Variants in MGRN1 observed in about 807,000 individuals in gnomAD.
The protein encoded by MGRN1 is mahogunin ring finger 1.
A neutral mutation model predicts 69.2 loss-of-function variants in MGRN1; 29 were observed. The ratio of observed to expected loss-of-function variants is 0.42; its 90% CI spans 0.31 to 0.57. MGRN1 has a LOEUF of 0.57. Among genes scored for constraint, MGRN1 ranks in the 20% least tolerant of loss-of-function variants. The probability of loss-of-function intolerance (pLI) is 0.15; values close to 1 mark genes in which losing one functional copy is unlikely to be tolerated. For missense variants in MGRN1, 998 were observed against 796.2 expected (o/e 1.25, Z -3.05); for synonymous variants, 470 against 344.2 (o/e 1.37, Z -4.04).
intron 1 of MGRN1, among the ~76,000 whole-genome samples, chr16:4,637,714 G>A (rs887148176): frequency 3.9e-5 from 6 of 152,188 alleles, no homozygotes; most frequent in Non-Finnish European, 8.8e-5. Context: ...CAGCTGCTCC[G>A]GCGTGTGTGA....
chr16:4,683,167 C>T (rs563293629), intron 14 of MGRN1, 57 bp from the exon 15 acceptor site: 16 of 1,602,186 alleles, frequency 1.0e-5, no homozygotes, highest in East Asian at 2.2e-5. Context: ...GCGGCTTGTC[C>T]TGGAGCGGTG....
intron 1 of MGRN1, among the ~76,000 whole-genome samples, chr16:4,642,439 A>G (rs2078179715): frequency 6.6e-6 from 1 of 151,340 alleles, no homozygotes. Flanking sequence ...CTGGGATTAC[A>G]GGCATGCACC....
Position 4,683,264 on chromosome 16 carries a change from A to C in MGRN1, c.1523A>C (p.Gln508Pro), listed in dbSNP as rs1428846220. Residue 508 changes from glutamine (Q) to proline (P), a missense_variant, in exon 15 of 17, where the codon CAG becomes CCG. By Grantham distance (76) the Gln-to-Pro change is moderately conservative. Transcript: ENST00000262370. Reference protein sequence around the residue: ...TEEVDESSSPQQGTRAASIEN... With the variant: ...TEEVDESSSPPQGTRAASIEN... ...GAGGTTGATGAGTCGTCGTCACCAC[A>C]GCAAGGTGAGCGCCTCCTTCCATGG... The C allele has an allele frequency of 6.2e-7, 1 of 1,613,696 alleles. No homozygotes were observed. The highest frequency in any genetic ancestry group is 8.5e-7 in the Non-Finnish European group (1 of 1,179,982).
At position 4,629,150 on chromosome 16, in the gene MGRN1, A is replaced by ATATTTGTGTGTG. The variant is rs1555445266; in HGVS notation, c.88+4103_88+4104insATTTGTGTGTGT. On this transcript the variant is annotated intron_variant, in intron 1 of 16. Coordinates refer to ENST00000262370, the MANE Select transcript of MGRN1 (RefSeq NM_015246.4). ...TGCACCTGGCCTGCTTTCTGTTCGT[A>ATATTTGTGTGTG]TGTGTGTGTGTGTGTGTGTGTGTGT... Among the ~76,000 whole-genome samples, 732 of 127,678 alleles carry ATATTTGTGTGTG rather than the reference A, an allele frequency of 5.7e-3. 7 individuals carry two copies. Among genetic ancestry groups the ATATTTGTGTGTG allele is most frequent in the African/African-American group, 0.022 (704 of 32,734 alleles). The allele number at this position is 127,678 out of a possible 152,430, so 83.8% of individuals were successfully genotyped here. A position where few individuals can be genotyped will look rare whatever the true frequency, so the allele number is the denominator to read the frequency against.
intron 5 of MGRN1, among the ~76,000 whole-genome samples, chr16:4,660,960 C>T (rs955828350): frequency 4.6e-5 from 7 of 152,286 alleles, no homozygotes; most frequent in African/African-American, 1.7e-4. Flanking sequence ...TGAACATGTG[C>T]CCCACGTCCC....
chr16:4,688,822 C>A lies in MGRN1; in HGVS notation c.1645C>A (p.His549Asn). 1 of 1,553,068 alleles carries A rather than the reference C, an allele frequency of 6.4e-7. No individual in the cohort carries two copies. Among genetic ancestry groups the A allele is most frequent in the South Asian group, 1.2e-5 (1 of 84,526 alleles). ...PGRPTSMETA[H>N]GLATTSPTWP... ...ACGGCCCACCTCCATGGAGACGGCC[C>A]ACGGCCTCGCCACCACCAGCCCCAC... The change falls in exon 17 of 17, where the codon CAC becomes AAC. Residue 549 changes from histidine (H) to asparagine (N), a missense_variant. Physicochemically the swap from His to Asn is moderately conservative, Grantham distance 68. Transcript: ENST00000262370.
chr16:4,654,418 T>C (rs2078483695), intron 4 of MGRN1, among the ~76,000 whole-genome samples: 1 of 152,270 alleles, frequency 6.6e-6, no homozygotes, highest in Non-Finnish European at 1.5e-5. Context: ...AGGGTCCTTC[T>C]GGCCCTGAAA....
chr16:4,686,112 T>C, intron 16 of MGRN1: 1 of 974,444 alleles, frequency 1.0e-6, no homozygotes, highest in East Asian at 2.7e-5. Context: ...GCTGTGGTTC[T>C]CCTTGTGGTT....
chr16:4,682,845 C>G lies in MGRN1; in HGVS notation c.1381C>G (p.Pro461Ala), dbSNP rs774977834. ...CAGCACCCTACGGTCCCCGTCTTCC[C>G]CCATCCACGAAGAGGATGAGGAGAA... Reference protein sequence around the residue: ...PDSTLRSPSSPIHEEDEEKLS... With the variant: ...PDSTLRSPSSAIHEEDEEKLS... The change falls in exon 14 of 17, where the codon CCC (proline) becomes GCC (alanine). Residue 461 changes from proline (P) to alanine (A), a missense_variant. Coordinates refer to ENST00000262370, the MANE Select transcript of MGRN1 (RefSeq NM_015246.4). 2 of 1,601,188 alleles carry G rather than the reference C, an allele frequency of 1.2e-6. No homozygotes were observed. Among genetic ancestry groups the G allele is most frequent in the East Asian group, 2.3e-5 (1 of 44,440 alleles).
Position 4,689,085 on chromosome 16 carries a change from C to T in MGRN1, c.*177C>T. 2.5e-6 allele frequency: 2 copies of T among 802,966 alleles called. No individual in the cohort carries two copies. Among genetic ancestry groups the T allele is most frequent in the Non-Finnish European group, 3.7e-6 (2 of 542,440 alleles). 49.7% of individuals were successfully genotyped at this position (802,966 alleles called of 1,614,324 possible). On this transcript the variant is annotated 3_prime_UTR_variant, in exon 17 of 17. Coordinates refer to ENST00000262370, the MANE Select transcript of MGRN1 (RefSeq NM_015246.4). ...CAGTGAACTGTCCCTTCTGAGTCTCCCTTTTCTACAGTTGATATATTTGTA... is the reference window on the plus strand; with the variant it reads ...CAGTGAACTGTCCCTTCTGAGTCTCTCTTTTCTACAGTTGATATATTTGTA...
intron 15 of MGRN1, among the ~76,000 whole-genome samples, chr16:4,683,505 G>A (rs1221843832): frequency 6.6e-6 from 1 of 151,928 alleles, no homozygotes; most frequent in Non-Finnish European, 1.5e-5. Flanking sequence ...GGGAACACCT[G>A]CCAGCATTCA....
chr16:4,639,364 CCCAGG>C (rs2078107415), intron 1 of MGRN1, among the ~76,000 whole-genome samples: 1 of 152,126 alleles, frequency 6.6e-6, no homozygotes, highest in African/African-American at 2.4e-5. Flanking sequence ...GAGGGAATAG[CCCAGG>C]CCGGGAAGGT....
intron 2 of MGRN1, 99 bp from the exon 3 acceptor site, chr16:4,651,864 G>A (rs932147039): frequency 9.3e-6 from 10 of 1,071,630 alleles, no homozygotes; most frequent in African/African-American, 1.6e-5. Context: ...CTAGATCCCA[G>A]GGATACCCTC....
At chr16:4,661,444 C>T (rs1314182315) in intron 5 of MGRN1, among the ~76,000 whole-genome samples, 1 of 152,250 alleles carries the variant, frequency 6.6e-6, no homozygotes, top group African/African-American at 2.4e-5. Flanking sequence ...CTTCAGGGTG[C>T]TGGTGTTGAC....
rs1023983249 is a variant in MGRN1, at chr16:4,657,872, G to A, written c.561+509G>A. 5.3e-5 allele frequency among the ~76,000 whole-genome samples: 8 copies of A among 150,628 alleles called. No individual in the cohort carries two copies. In the Admixed American group the frequency reaches 5.3e-4, roughly 10 times the overall value. On this transcript the variant is annotated intron_variant, in intron 5 of 16. Coordinates refer to ENST00000262370, the MANE Select transcript of MGRN1 (RefSeq NM_015246.4). ...AGCATTCTGCCTCAGCCTCCCGAGT[G>A]GCTGGGACTACAGGCGCCTGCCACC...
intron 8 of MGRN1, among the ~76,000 whole-genome samples, chr16:4,668,601 TACACTC>T (rs1387208818): frequency 1.3e-5 from 2 of 150,376 alleles, no homozygotes; most frequent in East Asian, 2.0e-4. Context: ...CATACACACA[TACACTC>T]ACACTCACAT....
intron 16 of MGRN1, among the ~76,000 whole-genome samples, chr16:4,685,869 G>T (rs1202225385): frequency 6.6e-6 from 1 of 152,180 alleles, no homozygotes. Context: ...AGATGGGAGG[G>T]CCCATGAGAT....
chr16:4,688,736 G>A, intron 16 of MGRN1, 60 bp from the exon 17 acceptor site: 2 of 1,499,890 alleles, frequency 1.3e-6, no homozygotes, highest in Non-Finnish European at 1.8e-6. Flanking sequence ...ATCGGTAGGA[G>A]CGGGTGGCGT....
rs190832756 is a variant in MGRN1, at chr16:4,641,631, G to T, written c.89-8734G>T. Among the ~76,000 whole-genome samples, 24 of 151,466 alleles carry T rather than the reference G, an allele frequency of 1.6e-4. No individual in the cohort carries two copies. The East Asian group carries it at 4.7e-3, about 30-fold the overall frequency. ...CCTCCCAGGTTCAAGTGATTCTCCT[G>T]CCTTAGCCTCCTGAGTAGATGGGAT... On this transcript the variant is annotated intron_variant, in intron 1 of 16. Coordinates refer to ENST00000262370, the MANE Select transcript of MGRN1 (RefSeq NM_015246.4).
Sources: allele counts gnomAD v4.1 joint callset (sites outside exome capture counted in the v4.1 genomes callset), GRCh38; gene constraint gnomAD v4.1.1; transcripts MANE v1.5; gene names NCBI Gene and HGNC (gene_info 2026-07-23, HGNC 2026-07-21).